The following RBM5 variants were observed in gnomAD, a reference collection of about 807,000 sequenced individuals.
RBM5 encodes RNA binding motif protein 5.
In RBM5, 15 loss-of-function variants were observed where a neutral mutation model predicts 124.6. The observed-to-expected ratio is 0.12, with a 90% confidence interval of 0.08 to 0.19. The LOEUF (loss-of-function observed/expected upper bound fraction) is 0.19. Among genes scored for constraint, RBM5 ranks in the 10% least tolerant of loss-of-function variants. RBM5 has a pLI of 1.00. For synonymous variants in RBM5, 337 were observed against 361.2 expected, an observed-to-expected ratio of 0.93 and a Z score of 0.76; for missense variants, 580 against 1,026.5, an observed-to-expected ratio of 0.57 and a Z score of 5.94.
chr3:50,114,608 G>A, intron 20 of RBM5: 1 of 206,178 alleles, frequency 4.9e-6, no homozygotes, highest in Non-Finnish European at 9.5e-6. Flanking sequence ...GTTGTATTTG[G>A]GATTTTTATT....
chr3:50,100,704 T>C lies in RBM5; in HGVS notation c.483+99T>C. The C allele has an allele frequency of 1.1e-6, 1 of 908,440 alleles. No individual in the cohort carries two copies. Among genetic ancestry groups the C allele is most frequent in the Non-Finnish European group, 1.6e-6 (1 of 608,422 alleles). 56.3% of individuals were successfully genotyped at this position (908,440 alleles called of 1,614,324 possible). A position where few individuals can be genotyped will look rare whatever the true frequency, so the allele number is the denominator to read the frequency against. On this transcript the variant is annotated intron_variant, in intron 6 of 24. Transcript: ENST00000347869. The surrounding 1 kb of genome is among the most constrained non-coding windows in gnomAD (Gnocchi z 5.1). ...GAGTGGTTTGTTCCAAAGGAGTGAC[T>C]TTTTTTTAAAAAAAAAGCTTTGTAT... is the stretch of plus-strand genomic sequence containing the variant.
At chr3:50,098,852 T>TTA (rs1372155582) in intron 4 of RBM5, among the ~76,000 whole-genome samples, 3 of 152,148 alleles carry the variant, frequency 2.0e-5, no homozygotes, top group African/African-American at 7.2e-5. Context: ...AGCGCTAGGA[T>TTA]TATAGGCTTG....
At chr3:50,113,224 G>C in intron 17 of RBM5, 159 bp from the exon 18 acceptor site, 1 of 608,148 alleles carries the variant, frequency 1.6e-6, no homozygotes, top group Non-Finnish European at 2.8e-6. Context: ...TTGCTAGGTG[G>C]TTCATCACCT....
chr3:50,092,347 A>C (rs2090718731), intron 3 of RBM5, 139 bp downstream of exon 3: 1 of 897,644 alleles, frequency 1.1e-6, no homozygotes, highest in Non-Finnish European at 1.6e-6. Context: ...AGATCACTTG[A>C]GGTCAGGAGT....
At chr3:50,096,549 G>T (rs1312726515) in intron 4 of RBM5, among the ~76,000 whole-genome samples, 1 of 152,010 alleles carries the variant, frequency 6.6e-6, no homozygotes, top group African/African-American at 2.4e-5. Flanking sequence ...GCTCTTGAAG[G>T]TTATTTAAAG....
intron 3 of RBM5, 22 bp from the exon 4 acceptor site, chr3:50,093,698 G>C: frequency 6.2e-7 from 1 of 1,607,094 alleles, no homozygotes; most frequent in African/African-American, 1.3e-5. Context: ...TGTTAATTGT[G>C]ATTTTGTTTA....
At chr3:50,104,183 G>A in intron 7 of RBM5, 65 bp from the exon 8 acceptor site, 2 of 1,430,492 alleles carry the variant, frequency 1.4e-6, no homozygotes, top group Non-Finnish European at 2.0e-6. Context: ...TGGCCCCACT[G>A]TTATTGTTAC....
At chr3:50,106,380 C>G (rs2091032031) in intron 10 of RBM5, among the ~76,000 whole-genome samples, 1 of 151,976 alleles carries the variant, frequency 6.6e-6, no homozygotes, top group Non-Finnish European at 1.5e-5. Context: ...CCTCTGCCTC[C>G]CAAAGTGCTG....
intron 15 of RBM5, chr3:50,109,935 G>T (rs1228490369): frequency 2.7e-6 from 1 of 371,804 alleles, no homozygotes; most frequent in Non-Finnish European, 4.8e-6. Flanking sequence ...CGCCGGGGCC[G>T]GGTGTGGTGG....
intron 2 of RBM5, 163 bp from the exon 3 acceptor site, chr3:50,091,880 C>T (rs2090709394): frequency 2.7e-6 from 2 of 729,984 alleles, no homozygotes; most frequent in Non-Finnish European, 4.8e-6. Flanking sequence ...GGTATTTTCC[C>T]AGTGGTTATC....
chr3:50,109,369 G>A (rs761456042), intron 14 of RBM5, among the ~76,000 whole-genome samples: 1 of 152,042 alleles, frequency 6.6e-6, no homozygotes, highest in Non-Finnish European at 1.5e-5. Context: ...CACTGCACCC[G>A]GCCTCTTCTC....
chr3:50,100,679 G>A lies in RBM5; in HGVS notation c.483+74G>A, dbSNP rs1334517176. ...GTACAATTTTAAAAAAAGGTTGAAG[G>A]AGTGGTTTGTTCCAAAGGAGTGACT... On this transcript the variant is annotated intron_variant, in intron 6 of 24. Transcript: ENST00000347869. This position sits in a 1 kb window ranked among gnomAD's most constrained non-coding sequence, Gnocchi z 5.1. The A allele has an allele frequency of 7.7e-7, 1 of 1,292,238 alleles. No homozygotes were observed. Among genetic ancestry groups the A allele is most frequent in the Non-Finnish European group, 1.1e-6 (1 of 911,328 alleles). 80.0% of individuals were successfully genotyped at this position (1,292,238 alleles called of 1,614,324 possible).
In RBM5 at chr3:50,117,055, T is replaced by C. The variant is rs760746358; in HGVS notation, c.2095-19T>C. 2.5e-6 allele frequency: 4 copies of C among 1,603,964 alleles called. No homozygotes were observed. In the Admixed American group the frequency reaches 6.7e-5, roughly 27 times the overall value. On this transcript the variant is annotated intron_variant, in intron 22 of 24. Coordinates refer to ENST00000347869, the MANE Select transcript of RBM5 (RefSeq NM_005778.4). This position sits in a 1 kb window ranked among gnomAD's most constrained non-coding sequence, Gnocchi z 4.2. ...TGAAGTCTGTGAACATTTCCAGCAG[T>C]GTTTTTTCTCCCATGTAGATGAAAT...
chr3:50,099,844 CAAGT>C lies in RBM5; in HGVS notation c.340-137_340-134del, dbSNP rs539797530. The stretch of plus-strand genomic sequence containing the variant: ...GCCACTGCACTCCAGCCTGGGCAAT[CAAGT>C]GAGTGAGAGACAGAGACTCCCATCT... On this transcript the variant is annotated intron_variant, in intron 4 of 24. Coordinates refer to ENST00000347869, the MANE Select transcript of RBM5 (RefSeq NM_005778.4). The C allele has an allele frequency of 2.7e-4, 177 of 661,060 alleles. 4 individuals are homozygous for C. In the South Asian group the frequency reaches 3.3e-3, roughly 12 times the overall value. 40.9% of individuals were successfully genotyped at this position (661,060 alleles called of 1,614,324 possible).
At chr3:50,090,060 T>C (rs73832801) in intron 1 of RBM5, 2,510 of 200,342 alleles carry the variant, frequency 0.013, 88 homozygotes, top group African/African-American at 0.056. Context: ...AAGGAGCTGA[T>C]TGTAGCTCTG....
rs571400095 is a variant in RBM5 at position 50,107,757 on chromosome 3, G to A, written c.1041+188G>A. ...GCTGGAGTGCAATGGTGCAATCTTG[G>A]CTCACTGCAAGCTCCACCTTCCAGG... On this transcript the variant is annotated intron_variant, in intron 12 of 24. Coordinates refer to ENST00000347869, the MANE Select transcript of RBM5 (RefSeq NM_005778.4). Among the ~76,000 whole-genome samples the A allele has an allele frequency of 8.8e-4, 114 of 129,076 alleles. No homozygotes were observed. In the Middle Eastern group the frequency reaches 0.016, roughly 18 times the overall value. The allele number at this position is 129,076 out of a possible 152,430, so 84.7% of individuals were successfully genotyped here. A position where few individuals can be genotyped will look rare whatever the true frequency, so the allele number is the denominator to read the frequency against.
chr3:50,112,662 T>C (rs2091169677), intron 17 of RBM5: 1 of 152,202 alleles, frequency 6.6e-6, no homozygotes, highest in Non-Finnish European at 1.5e-5. Context: ...TGGTATCCAA[T>C]GGATTCTATG....
intron 17 of RBM5, chr3:50,112,858 TATC>T (rs992797790): frequency 1.3e-5 from 2 of 152,246 alleles, no homozygotes; most frequent in African/African-American, 4.8e-5. Context: ...AAATTTTTAT[TATC>T]ATTTTTTTTG....
At chr3:50,106,712 T>G (rs2091039982) in intron 10 of RBM5, 55 bp from the exon 11 acceptor site, 2 of 1,245,222 alleles carry the variant, frequency 1.6e-6, no homozygotes, top group Non-Finnish European at 2.4e-6. Flanking sequence ...GGGTGGATGG[T>G]AGGGAGAGAT....
Sources: gnomAD v4.1 joint callset for allele counts (sites outside exome capture counted in the v4.1 genomes callset) on GRCh38, gnomAD v4.1.1 for gene constraint, Gnocchi (gnomAD v3.1) non-coding constraint, MANE v1.5 for transcripts, NCBI Gene and HGNC (gene_info 2026-07-23, HGNC 2026-07-21) for gene names.